The following NAA35 variants were observed in gnomAD, a reference collection of about 807,000 sequenced individuals.
NAA35 encodes the protein N-alpha-acetyltransferase 35, NatC auxiliary subunit, also known as MAK10 homolog, amino-acid N-acetyltransferase subunit.
NAA35 carries 18 observed loss-of-function variants against 101.7 expected under a neutral mutation model. The observed-to-expected ratio is 0.18, with a 90% CI of 0.12 to 0.26. The LOEUF (loss-of-function observed/expected upper bound fraction) is 0.26. NAA35 is among the 10% of genes least tolerant of loss of function. The probability of loss-of-function intolerance (pLI) is 1.00; values close to 1 mark genes in which losing one functional copy is unlikely to be tolerated. For missense variants in NAA35, 601 were observed against 886.8 expected (o/e 0.68, Z 4.09); for synonymous variants, 267 against 273.1 (o/e 0.98, Z 0.22).
rs755639991 is a variant in NAA35, at chr9:86,018,279, G to A, written c.1798G>A (p.Gly600Ser). Residue 600 changes from glycine (G) to serine (S), a missense_variant, in exon 20 of 23, where the codon GGC (glycine) becomes AGC (serine). Physicochemically the swap from Gly to Ser is moderately conservative, Grantham distance 56 (BLOSUM62 0). Coordinates refer to ENST00000361671, the MANE Select transcript of NAA35 (RefSeq NM_024635.4). ...FKTMVAFDMD[G>S]KVRKPKFELD... is the part of the protein sequence containing the mutation. ...GACCATGGTAGCATTTGACATGGAC[G>A]GCAAAGTACGTAAACCGAAGTTTGA... 1.9e-5 allele frequency: 30 copies of A among 1,612,690 alleles called. No individual in the cohort carries two copies. Among genetic ancestry groups the A allele is most frequent in the South Asian group, 7.7e-5 (7 of 90,914 alleles).
chr9:85,955,477 C>T (rs1829232232), intron 2 of NAA35, among the ~76,000 whole-genome samples: 1 of 149,766 alleles, frequency 6.7e-6, no homozygotes, highest in Non-Finnish European at 1.5e-5. Context: ...ATTCTCCTGC[C>T]TCAGCCTCCC....
At chr9:85,954,843 G>C (rs542557550) in intron 2 of NAA35, among the ~76,000 whole-genome samples, 1 of 152,208 alleles carries the variant, frequency 6.6e-6, no homozygotes, top group Admixed American at 6.5e-5. Flanking sequence ...AACATGGCAA[G>C]TTCCTGGGTT....
chr9:86,025,104 T>G lies in NAA35; in HGVS notation c.*3144T>G, dbSNP rs1163645145. Among the ~76,000 whole-genome samples, 1 of 152,188 alleles carries G rather than the reference T, an allele frequency of 6.6e-6. No homozygotes were observed. The highest frequency in any genetic ancestry group is 1.5e-5 in the Non-Finnish European group (1 of 68,024). ...AGACAGTATACTGCCTTAAATAAAGTGCACCCTGTTTGGAAAAGTTCAGGA... is the reference window on the plus strand; with the variant it reads ...AGACAGTATACTGCCTTAAATAAAGGGCACCCTGTTTGGAAAAGTTCAGGA... On this transcript the variant is annotated 3_prime_UTR_variant, in exon 23 of 23. Coordinates refer to ENST00000361671, the MANE Select transcript of NAA35 (RefSeq NM_024635.4).
chr9:85,962,000 T>G lies in NAA35; in HGVS notation c.349-13T>G. ...TTATCACCTTAAATATATACTCTTT[T>G]GTTTCTTTATAGATAACGTGGTTAG... On this transcript the variant is annotated splice_polypyrimidine_tract_variant and intron_variant, in intron 5 of 22. Transcript: ENST00000361671. The G allele has an allele frequency of 1.3e-6, 2 of 1,592,144 alleles. No individual in the cohort carries two copies. The highest frequency in any genetic ancestry group is 1.7e-6 in the Non-Finnish European group (2 of 1,172,074).
At chr9:85,963,426 A>G (rs866791507) in intron 6 of NAA35, among the ~76,000 whole-genome samples, 7 of 151,728 alleles carry the variant, frequency 4.6e-5, no homozygotes, top group Middle Eastern at 3.2e-3. Context: ...GTGCACCACC[A>G]TGCCTGGCTA....
At chr9:85,999,655 G>A (rs551551152) in intron 12 of NAA35, among the ~76,000 whole-genome samples, 2 of 152,280 alleles carry the variant, frequency 1.3e-5, no homozygotes, top group East Asian at 3.9e-4. Context: ...CATTGTCAGT[G>A]ATCCTTTAGA....
At chr9:85,981,522 T>C (rs1006483954) in intron 11 of NAA35, among the ~76,000 whole-genome samples, 1 of 152,194 alleles carries the variant, frequency 6.6e-6, no homozygotes, top group Non-Finnish European at 1.5e-5. Context: ...TAGCTACAGC[T>C]TGTGACTTTT....
intron 2 of NAA35, among the ~76,000 whole-genome samples, chr9:85,949,484 G>A (rs553685401): frequency 6.6e-5 from 10 of 151,694 alleles, no homozygotes; most frequent in South Asian, 2.1e-4. Flanking sequence ...TAGTAGAGAC[G>A]GGGTTTCACT....
At chr9:86,010,580 T>C (rs1393957289) in intron 15 of NAA35, among the ~76,000 whole-genome samples, 3 of 149,460 alleles carry the variant, frequency 2.0e-5, no homozygotes, top group Non-Finnish European at 4.4e-5. Flanking sequence ...TTTTTTTTTT[T>C]TTTTTTTTTT....
At chr9:85,993,290 A>C (rs528286909) in intron 11 of NAA35, among the ~76,000 whole-genome samples, 189 of 152,318 alleles carry the variant, frequency 1.2e-3, no homozygotes, top group Non-Finnish European at 4.7e-4. Context: ...CTCCCACCTC[A>C]GCCTCCTGGG....
chr9:85,973,755 T>C (rs1395447417), intron 6 of NAA35, among the ~76,000 whole-genome samples: 1 of 152,164 alleles, frequency 6.6e-6, no homozygotes, highest in African/African-American at 2.4e-5. Flanking sequence ...GAGTGTTTTT[T>C]TTTTTTAAGG....
rs551043763 is a variant in NAA35 at position 86,000,279 on chromosome 9, G to A, written c.1057-3306G>A. On this transcript the variant is annotated intron_variant, in intron 12 of 22. Transcript: ENST00000361671. ...GATCATGGTGAATTAGCTTTTTGAT[G>A]TGCTGCTGGATTCGATTTGCAAGTA... is the stretch of plus-strand genomic sequence containing the variant. Among the ~76,000 whole-genome samples, 4 of 152,252 alleles carry A rather than the reference G, an allele frequency of 2.6e-5. No homozygotes were observed. The South Asian group carries it at 8.3e-4, about 32-fold the overall frequency.
intron 6 of NAA35, among the ~76,000 whole-genome samples, chr9:85,974,385 T>G (rs1436498393): frequency 6.6e-6 from 1 of 152,210 alleles, no homozygotes; most frequent in African/African-American, 2.4e-5. Context: ...AGCAAATCAC[T>G]TAATTTGTTA....
At chr9:85,962,609 A>T (rs1829569496) in intron 6 of NAA35, among the ~76,000 whole-genome samples, 1 of 152,192 alleles carries the variant, frequency 6.6e-6, no homozygotes, top group Non-Finnish European at 1.5e-5. Flanking sequence ...GTATATTTAA[A>T]AACAGTTTTT....
intron 2 of NAA35, among the ~76,000 whole-genome samples, chr9:85,954,282 A>G (rs1341860675): frequency 2.0e-5 from 3 of 152,128 alleles, no homozygotes; most frequent in Non-Finnish European, 4.4e-5. Flanking sequence ...AGGGTCTCAC[A>G]GTGTTGCTCA....
rs1268956318 is a variant in NAA35 at position 85,941,648 on chromosome 9, C to T, written c.-6+375C>T. On this transcript the variant is annotated intron_variant, in intron 1 of 22. Coordinates refer to ENST00000361671, the MANE Select transcript of NAA35 (RefSeq NM_024635.4). ...GCCCGGCCGGCGGGACCCTGCGGTG[C>T]CTGCCGGCTCCTCATTGCTCCCGGC... The T allele has an allele frequency of 6.1e-6, 6 of 986,316 alleles. No individual in the cohort carries two copies. The South Asian group carries it at 1.9e-4, about 31-fold the overall frequency. The allele number at this position is 986,316 out of a possible 1,614,324, so 61.1% of individuals were successfully genotyped here. A position where few individuals can be genotyped will look rare whatever the true frequency, so the allele number is the denominator to read the frequency against.
chr9:86,012,657 T>C (rs1462541191), intron 15 of NAA35, among the ~76,000 whole-genome samples: 1 of 152,244 alleles, frequency 6.6e-6, no homozygotes, highest in African/African-American at 2.4e-5. Flanking sequence ...GCTTTATGGC[T>C]ATTAGCTCTT....
intron 13 of NAA35, among the ~76,000 whole-genome samples, chr9:86,006,378 A>G (rs1478635792): frequency 1.3e-5 from 2 of 151,880 alleles, no homozygotes; most frequent in African/African-American, 2.4e-5. Flanking sequence ...TTTGTTCATG[A>G]TCATCAAAAA....
rs75286823 is a variant in NAA35 at position 85,968,708 on chromosome 9, A to G, written c.517-6259A>G. ...AATATTCTAACTTCTGGATTTAAGG[A>G]TTTACTAACTTTAGCTTTGATATGT... On this transcript the variant is annotated intron_variant, in intron 6 of 22. Transcript: ENST00000361671. 0.022 allele frequency among the ~76,000 whole-genome samples: 3,265 copies of G among 151,858 alleles called. 373 individuals carry two copies. The East Asian group carries it at 0.36, about 17-fold the overall frequency.
Sources: allele counts gnomAD v4.1 joint callset (sites outside exome capture counted in the v4.1 genomes callset), GRCh38; gene constraint gnomAD v4.1.1; transcripts MANE v1.5; gene names NCBI Gene and HGNC (gene_info 2026-07-23, HGNC 2026-07-21).